SLC39A9: variants seen among roughly 807,000 people sequenced by gnomAD.
SLC39A9 encodes solute carrier family 39 member 9, also known as zinc transporter ZIP9.
SLC39A9 carries 14 observed loss-of-function variants against 28.4 expected under a neutral mutation model. The ratio of observed to expected loss-of-function variants is 0.49; its 90% confidence interval spans 0.33 to 0.77. The LOEUF is 0.77. Ranked by LOEUF, SLC39A9 falls within the 30% of genes least tolerant of loss-of-function variation. The pLI, the probability that SLC39A9 is intolerant of heterozygous loss-of-function variation, is 0.02. For synonymous variants in SLC39A9, 119 were observed against 149.6 expected (o/e 0.80, Z 1.49); for missense variants, 283 against 381.1 (o/e 0.74, Z 2.14).
intron 2 of SLC39A9, chr14:69,428,912 T>A (rs1405921039): frequency 6.6e-6 from 1 of 152,188 alleles, no homozygotes; most frequent in African/African-American, 2.4e-5. Flanking sequence ...TTACCCAAAG[T>A]TTTAGCAGAA....
In SLC39A9 at chr14:69,461,676, C is replaced by T. The variant is rs1316900742; in HGVS notation, c.*3083C>T. 5.2e-6 allele frequency: 8 copies of T among 1,535,838 alleles called. No individual in the cohort carries two copies. Among genetic ancestry groups the T allele is most frequent in the Non-Finnish European group, 7.0e-6 (8 of 1,146,810 alleles). On this transcript the variant is annotated 3_prime_UTR_variant, in exon 7 of 7. Transcript: ENST00000336643. Reference sequence around the variant, plus strand: ...CCAGCCTACTTCTAAGTGTCACTGCCTGGTTTTTCTCTTTTTCAAGGATTA... The same window carrying T: ...CCAGCCTACTTCTAAGTGTCACTGCTTGGTTTTTCTCTTTTTCAAGGATTA...
rs1028300874 is a variant in SLC39A9 at position 69,454,965 on chromosome 14, A to G, written c.558+68A>G. ...ATAATTAAAATTTCTCATGGTCCTT[A>G]ATGTTTTTCCTGGAATGGGAACATT... On this transcript the variant is annotated intron_variant, in intron 5 of 6. Coordinates refer to ENST00000336643, the MANE Select transcript of SLC39A9 (RefSeq NM_018375.5). The G allele has an allele frequency of 4.2e-6, 5 of 1,204,234 alleles. No individual in the cohort carries two copies. In the African/African-American group the frequency reaches 7.6e-5, roughly 18 times the overall value. 74.6% of individuals were successfully genotyped at this position (1,204,234 alleles called of 1,614,324 possible).
intron 3 of SLC39A9, among the ~76,000 whole-genome samples, chr14:69,447,555 C>T (rs990615403): frequency 6.6e-6 from 1 of 152,104 alleles, no homozygotes; most frequent in African/African-American, 2.4e-5. Flanking sequence ...TGAACTGCCT[C>T]GGTCTCCAGC....
chr14:69,448,552 A>G (rs1885455022), intron 3 of SLC39A9, among the ~76,000 whole-genome samples: 1 of 152,228 alleles, frequency 6.6e-6, no homozygotes, highest in Non-Finnish European at 1.5e-5. Flanking sequence ...TAAAAAAACA[A>G]GAAAGGAGGA....
At chr14:69,450,303 C>T (rs911794982) in intron 3 of SLC39A9, among the ~76,000 whole-genome samples, 8 of 152,244 alleles carry the variant, frequency 5.3e-5, no homozygotes, top group African/African-American at 1.7e-4. Flanking sequence ...CCTTGATCTG[C>T]CAAAGAGAAA....
Position 69,455,799 on chromosome 14 carries a change from A to C in SLC39A9, c.626A>C (p.Lys209Thr). Residue 209 changes from lysine (K) to threonine (T), a missense_variant, in exon 6 of 7, where the codon AAG (lysine) becomes ACG (threonine). Physicochemically the swap from Lys to Thr is moderately conservative, Grantham distance 78 (BLOSUM62 -1). Transcript: ENST00000336643. ...HAGLERNRIR[K>T]HLLVFALAAP... ...GGCTTAGAGCGGAATCGAATCAGAA[A>C]GCACTTGCTGGTCTTTGCATTGGCA... 1 of 1,614,228 alleles carries C rather than the reference A, an allele frequency of 6.2e-7. No individual in the cohort carries two copies. The highest frequency in any genetic ancestry group is 2.2e-5 in the East Asian group (1 of 44,886).
chr14:69,425,809 C>T lies in SLC39A9; in HGVS notation c.205+1607C>T, dbSNP rs151043324. 1.2e-3 allele frequency among the ~76,000 whole-genome samples: 190 copies of T among 152,110 alleles called. 5 individuals carry two copies. In the East Asian group the frequency reaches 0.031, roughly 25 times the overall value. On this transcript the variant is annotated intron_variant, in intron 2 of 6. Coordinates refer to ENST00000336643, the MANE Select transcript of SLC39A9 (RefSeq NM_018375.5). Reference sequence around the variant, plus strand: ...AGTAGCTGGGACTATAGTATAGATGCACACTGCTATGCCTGACTAATGTTT... The same window carrying T: ...AGTAGCTGGGACTATAGTATAGATGTACACTGCTATGCCTGACTAATGTTT...
At chr14:69,401,456 T>G (rs575772796) in intron 1 of SLC39A9, among the ~76,000 whole-genome samples, 3 of 152,348 alleles carry the variant, frequency 2.0e-5, no homozygotes, top group Non-Finnish European at 2.9e-5. Flanking sequence ...TGTGTATTTT[T>G]AAACATATTG....
At chr14:69,406,685 T>TA (rs1200169340) in intron 1 of SLC39A9, among the ~76,000 whole-genome samples, 7,600 of 133,062 alleles carry the variant, frequency 0.057, 252 homozygotes, top group South Asian at 0.11. Flanking sequence ...GAGACTGTCT[T>TA]AAAAAAAAAA....
chr14:69,458,225 G>A, intron 6 of SLC39A9, 138 bp from the exon 7 acceptor site: 1 of 1,006,190 alleles, frequency 9.9e-7, no homozygotes, highest in Non-Finnish European at 1.4e-6. Flanking sequence ...ATAACTTAAA[G>A]TTGCTGTGTT....
chr14:69,427,081 A>C (rs551608234), intron 2 of SLC39A9, among the ~76,000 whole-genome samples: 1 of 148,574 alleles, frequency 6.7e-6, no homozygotes, highest in African/African-American at 2.5e-5. Flanking sequence ...TGATCACTGC[A>C]GCCTTGACTT....
intron 1 of SLC39A9, among the ~76,000 whole-genome samples, chr14:69,414,050 CTTTTTTT>C (rs1186216595): frequency 2.3e-5 from 3 of 132,198 alleles, no homozygotes; most frequent in East Asian, 2.2e-4. Context: ...ATTTCATATT[CTTTTTTT>C]TTTTTTTTTT....
chr14:69,458,696 A>G lies in SLC39A9; in HGVS notation c.*103A>G. 3 of 1,448,698 alleles carry G rather than the reference A, an allele frequency of 2.1e-6. No homozygotes were observed. In the South Asian group the frequency reaches 4.3e-5, roughly 21 times the overall value. The allele number at this position is 1,448,698 out of a possible 1,614,324, so 89.7% of individuals were successfully genotyped here. ...CTCAGTCTCTTGTCTCACCTTGCGC[A>G]TCTCTACATGTATTCCTAGAGTCCA... On this transcript the variant is annotated 3_prime_UTR_variant, in exon 7 of 7. Coordinates refer to ENST00000336643, the MANE Select transcript of SLC39A9 (RefSeq NM_018375.5).
rs1886016021 is a variant in SLC39A9, at chr14:69,459,427, A to G, written c.*834A>G. On this transcript the variant is annotated 3_prime_UTR_variant, in exon 7 of 7. Coordinates refer to ENST00000336643, the MANE Select transcript of SLC39A9 (RefSeq NM_018375.5). ...CAGTTCTAGGCTTTCCTTCAAGAAC[A>G]GTCAGATCACAAAGTGTCTTTGGAA... 1.0e-6 allele frequency: 1 copy of G among 985,348 alleles called. No homozygotes were observed. Among genetic ancestry groups the G allele is most frequent in the African/African-American group, 1.7e-5 (1 of 57,248 alleles). The allele number at this position is 985,348 out of a possible 1,614,324, so 61.0% of individuals were successfully genotyped here.
intron 3 of SLC39A9, among the ~76,000 whole-genome samples, chr14:69,451,713 A>T (rs1351815281): frequency 6.6e-6 from 1 of 152,000 alleles, no homozygotes; most frequent in African/African-American, 2.4e-5. Flanking sequence ...CAATTTTTTA[A>T]ATTTATTTTT....
At chr14:69,439,146 C>T (rs2140293996) in intron 2 of SLC39A9, among the ~76,000 whole-genome samples, 1 of 152,144 alleles carries the variant, frequency 6.6e-6, no homozygotes, top group East Asian at 1.9e-4. Flanking sequence ...TAACAATGAA[C>T]TATTTGAAAA....
intron 5 of SLC39A9, 108 bp downstream of exon 5, chr14:69,455,005 A>G: frequency 1.3e-6 from 1 of 757,166 alleles, no homozygotes; most frequent in Non-Finnish European, 2.2e-6. Context: ...TCATTTCATA[A>G]TTGCTATTCA....
intron 3 of SLC39A9, among the ~76,000 whole-genome samples, chr14:69,443,287 T>C (rs1885133896): frequency 6.6e-6 from 1 of 152,200 alleles, no homozygotes; most frequent in African/African-American, 2.4e-5. Flanking sequence ...AGTATCTTGG[T>C]CCCCAATGGG....
intron 1 of SLC39A9, among the ~76,000 whole-genome samples, chr14:69,413,025 C>T (rs1883357255): frequency 6.6e-6 from 1 of 151,940 alleles, no homozygotes; most frequent in African/African-American, 2.4e-5. Flanking sequence ...CAGGGTTTTC[C>T]AGCTTTTGGG....
Sources: allele counts gnomAD v4.1 joint callset (sites outside exome capture counted in the v4.1 genomes callset), GRCh38; gene constraint gnomAD v4.1.1; transcripts MANE v1.5; gene names NCBI Gene and HGNC (gene_info 2026-07-23, HGNC 2026-07-21).